VAPA: variants seen among roughly 807,000 people sequenced by gnomAD.
VAPA encodes vesicle-associated membrane protein-associated protein A.
Under a neutral mutation model 25.6 loss-of-function variants are expected in VAPA, and 6 were observed. That is an observed-to-expected ratio of 0.23 (90% confidence interval 0.13 to 0.46). The LOEUF is 0.46. Ranked by LOEUF, VAPA falls within the 20% of genes least tolerant of loss-of-function variation. The probability of loss-of-function intolerance (pLI) is 0.99; values close to 1 mark genes in which losing one functional copy is unlikely to be tolerated. For missense variants in VAPA, 244 were observed against 302.1 expected (o/e 0.81, Z 1.43); for synonymous variants, 112 against 106.2 (o/e 1.05, Z -0.34).
Position 9,957,623 on chromosome 18 carries a change from A to C in VAPA, c.*3412A>C, listed in dbSNP as rs908727004. The stretch of plus-strand genomic sequence containing the variant: ...TACCATTTGGAAAAACGAAGATCAG[A>C]AGGTAAATGATCTTTATTTTCTAGC... On this transcript the variant is annotated 3_prime_UTR_variant, in exon 6 of 6. Coordinates refer to ENST00000400000, the MANE Select transcript of VAPA (RefSeq NM_194434.3). 2.0e-5 allele frequency: 3 copies of C among 152,228 alleles called. No homozygotes were observed. Among genetic ancestry groups the C allele is most frequent in the African/African-American group, 7.2e-5 (3 of 41,454 alleles). The allele number at this position is 152,228 out of a possible 1,614,324, so 9.4% of individuals were successfully genotyped here. A position where few individuals can be genotyped will look rare whatever the true frequency, so the allele number is the denominator to read the frequency against.
chr18:9,928,434 C>T (rs183458244), intron 1 of VAPA, among the ~76,000 whole-genome samples: 25 of 152,240 alleles, frequency 1.6e-4, no homozygotes, highest in African/African-American at 6.0e-4. Context: ...TTTACCCTCT[C>T]CCAGTTACTT....
At position 9,957,630 on chromosome 18, in the gene VAPA, A is replaced by G. The variant is rs1179572743; in HGVS notation, c.*3419A>G. The G allele has an allele frequency of 6.6e-6, 1 of 152,214 alleles. No individual in the cohort carries two copies. The highest frequency in any genetic ancestry group is 2.4e-5 in the African/African-American group (1 of 41,448). The allele number at this position is 152,214 out of a possible 1,614,324, so 9.4% of individuals were successfully genotyped here. A position where few individuals can be genotyped will look rare whatever the true frequency, so the allele number is the denominator to read the frequency against. On this transcript the variant is annotated 3_prime_UTR_variant, in exon 6 of 6. Coordinates refer to ENST00000400000, the MANE Select transcript of VAPA (RefSeq NM_194434.3). ...TGGAAAAACGAAGATCAGAAGGTAAATGATCTTTATTTTCTAGCTTTAAAG... is the reference window on the plus strand; with the variant it reads ...TGGAAAAACGAAGATCAGAAGGTAAGTGATCTTTATTTTCTAGCTTTAAAG...
intron 4 of VAPA, chr18:9,947,835 G>T (rs954760731): frequency 6.6e-6 from 1 of 152,092 alleles, no homozygotes; most frequent in African/African-American, 2.4e-5. Context: ...AGGCTCTTCA[G>T]ATTGTCACTC....
intron 1 of VAPA, among the ~76,000 whole-genome samples, chr18:9,930,242 T>G (rs1222923656): frequency 2.0e-5 from 3 of 152,168 alleles, no homozygotes; most frequent in Non-Finnish European, 4.4e-5. Context: ...TGGATTAGGA[T>G]TGTTCAAAAT....
intron 1 of VAPA, among the ~76,000 whole-genome samples, chr18:9,929,631 T>C (rs2069232807): frequency 6.6e-6 from 1 of 152,194 alleles, no homozygotes; most frequent in African/African-American, 2.4e-5. Flanking sequence ...GATATTTCTT[T>C]CCGTGACTTT....
intron 1 of VAPA, among the ~76,000 whole-genome samples, chr18:9,920,063 A>G (rs539037359): frequency 2.0e-5 from 3 of 152,222 alleles, no homozygotes; most frequent in South Asian, 2.1e-4. Flanking sequence ...TGGTGGTGCT[A>G]TTTGAGAAAC....
chr18:9,947,307 A>G (rs933181003), intron 4 of VAPA, among the ~76,000 whole-genome samples: 1 of 152,226 alleles, frequency 6.6e-6, no homozygotes, highest in African/African-American at 2.4e-5. Context: ...ATACTTTTAT[A>G]TGACTGGAGT....
rs185046441 is a variant in VAPA at position 9,955,987 on chromosome 18, T to C, written c.*1776T>C. 1.5e-3 allele frequency: 228 copies of C among 152,360 alleles called. No individual in the cohort carries two copies. Among genetic ancestry groups the C allele is most frequent in the African/African-American group, 5.2e-3 (218 of 41,586 alleles). The allele number at this position is 152,360 out of a possible 1,614,324, so 9.4% of individuals were successfully genotyped here. A position where few individuals can be genotyped will look rare whatever the true frequency, so the allele number is the denominator to read the frequency against. The stretch of plus-strand genomic sequence containing the variant: ...AATGCAGAATCAGTAATTCCTTGGC[T>C]TAAAGCTCTTATATAATCAATATTA... On this transcript the variant is annotated 3_prime_UTR_variant, in exon 6 of 6. Transcript: ENST00000400000.
In VAPA at chr18:9,955,955, C is replaced by A. The variant is rs529159727; in HGVS notation, c.*1744C>A. 3.3e-5 allele frequency: 5 copies of A among 152,284 alleles called. No individual in the cohort carries two copies. In the South Asian group the frequency reaches 8.3e-4, roughly 25 times the overall value. The allele number at this position is 152,284 out of a possible 1,614,324, so 9.4% of individuals were successfully genotyped here. A position where few individuals can be genotyped will look rare whatever the true frequency, so the allele number is the denominator to read the frequency against. ...TGCTAAAAATAGTCTTATATTTTCACCCCATAAATGCAGAATCAGTAATTC... is the reference window on the plus strand; with the variant it reads ...TGCTAAAAATAGTCTTATATTTTCAACCCATAAATGCAGAATCAGTAATTC... On this transcript the variant is annotated 3_prime_UTR_variant, in exon 6 of 6. Transcript: ENST00000400000.
intron 4 of VAPA, among the ~76,000 whole-genome samples, chr18:9,942,239 C>G (rs2069373140): frequency 6.6e-6 from 1 of 152,100 alleles, no homozygotes; most frequent in Non-Finnish European, 1.5e-5. Flanking sequence ...GCTAATTAAC[C>G]TATCAATCAC....
chr18:9,931,712 C>G, intron 1 of VAPA, 98 bp from the exon 2 acceptor site: 4 of 1,063,374 alleles, frequency 3.8e-6, no homozygotes, highest in Non-Finnish European at 5.3e-6. Flanking sequence ...AATGTCAGCA[C>G]TTAATTAAAA....
chr18:9,926,180 G>C (rs1254023288), intron 1 of VAPA, among the ~76,000 whole-genome samples: 7 of 152,106 alleles, frequency 4.6e-5, no homozygotes, highest in Admixed American at 4.6e-4. Flanking sequence ...TAGATATTCT[G>C]TGTACTATAT....
chr18:9,945,031 C>T, intron 4 of VAPA: 1 of 1,614,106 alleles, frequency 6.2e-7, no homozygotes, highest in Non-Finnish European at 8.5e-7. Flanking sequence ...CCAGGGGACT[C>T]AGTGTGTTGA....
At chr18:9,929,492 A>G (rs2069231354) in intron 1 of VAPA, among the ~76,000 whole-genome samples, 1 of 152,110 alleles carries the variant, frequency 6.6e-6, no homozygotes, top group South Asian at 2.1e-4. Flanking sequence ...TCAGCTCTCC[A>G]ACTCATTTTA....
intron 1 of VAPA, among the ~76,000 whole-genome samples, chr18:9,920,230 C>T (rs1398366631): frequency 6.6e-6 from 1 of 152,128 alleles, no homozygotes; most frequent in Non-Finnish European, 1.5e-5. Context: ...AAGGTCTGGG[C>T]TTTGGATAAT....
Position 9,914,248 on chromosome 18 carries a change from G to A in VAPA, c.-9G>A, listed in dbSNP as rs949382374. 4 of 1,578,782 alleles carry A rather than the reference G, an allele frequency of 2.5e-6. No individual in the cohort carries two copies. The highest frequency in any genetic ancestry group is 1.4e-5 in the African/African-American group (1 of 70,826). Reference sequence around the variant, plus strand: ...CGCGGGCGCGCCCCCGCTCTGCGCTGTCTCTCCGATGGCGTCCGCCTCAGG... The same window carrying A: ...CGCGGGCGCGCCCCCGCTCTGCGCTATCTCTCCGATGGCGTCCGCCTCAGG... On this transcript the variant is annotated 5_prime_UTR_variant, in exon 1 of 6. Transcript: ENST00000400000.
chr18:9,927,474 CTTTTT>C (rs74852348), intron 1 of VAPA, among the ~76,000 whole-genome samples: 1 of 135,678 alleles, frequency 7.4e-6, no homozygotes, highest in Non-Finnish European at 1.6e-5. Context: ...TACAGTGGTT[CTTTTT>C]TTTTTTTTTT....
chr18:9,947,315 A>G (rs185715842), intron 4 of VAPA, among the ~76,000 whole-genome samples: 17 of 152,334 alleles, frequency 1.1e-4, no homozygotes, highest in Admixed American at 8.5e-4. Flanking sequence ...ATATGACTGG[A>G]GTACAGTATG....
chr18:9,932,354 A>C (rs1044400122), intron 2 of VAPA, among the ~76,000 whole-genome samples: 5 of 152,220 alleles, frequency 3.3e-5, no homozygotes, highest in African/African-American at 1.2e-4. Context: ...TTGCTTAAAA[A>C]GGTGCAATGC....
Sources: gnomAD v4.1 joint callset for allele counts (sites outside exome capture counted in the v4.1 genomes callset) on GRCh38, gnomAD v4.1.1 for gene constraint, MANE v1.5 for transcripts, NCBI Gene and HGNC (gene_info 2026-07-23, HGNC 2026-07-21) for gene names.